The following TLE1 variants were observed in gnomAD, a reference collection of about 807,000 sequenced individuals.
The protein encoded by TLE1 is TLE family member 1, transcriptional corepressor.
A neutral mutation model predicts 89.8 loss-of-function variants in TLE1; 21 were observed. The observed-to-expected ratio is 0.23, with a 90% confidence interval of 0.17 to 0.34. The LOEUF (loss-of-function observed/expected upper bound fraction) is 0.34. TLE1 is among the 10% of genes least tolerant of loss of function. The pLI is 1.00. For missense variants in TLE1, 795 were observed against 1,031.2 expected, an observed-to-expected ratio of 0.77 and a Z score of 3.14; for synonymous variants, 447 against 407.6, an observed-to-expected ratio of 1.10 and a Z score of -1.16.
intron 4 of TLE1, among the ~76,000 whole-genome samples, chr9:81,665,713 T>C (rs947324589): frequency 6.6e-6 from 1 of 152,156 alleles, no homozygotes; most frequent in Admixed American, 6.5e-5. Flanking sequence ...GGCTCTTGAA[T>C]GCATTCATTT....
At chr9:81,587,573 G>A in intron 17 of TLE1, 108 bp downstream of exon 17, 1 of 1,389,452 alleles carries the variant, frequency 7.2e-7, no homozygotes, top group South Asian at 1.5e-5. Context: ...GCCCTGATCT[G>A]TTTGTCCAGC....
In TLE1 at chr9:81,590,852, G is replaced by A. The variant is rs773935551; in HGVS notation, c.1782C>T (p.Ser594=). Residue 594 remains serine, a synonymous_variant, in exon 16 of 20, where the codon AGC becomes AGT. Coordinates refer to ENST00000376499, the MANE Select transcript of TLE1 (RefSeq NM_005077.5). ...GATCCCACACAGCGATGTTGCCGTCGCTGCAGCATGAGAAGCAGACCTTGG... is the reference window on the plus strand; with the variant it reads ...GATCCCACACAGCGATGTTGCCGTCACTGCAGCATGAGAAGCAGACCTTGG... ...PDSKVCFSCC[S]DGNIAVWDLH... 7 of 1,614,058 alleles carry A rather than the reference G, an allele frequency of 4.3e-6. No homozygotes were observed. The highest frequency in any genetic ancestry group is 2.7e-5 in the African/African-American group (2 of 74,936).
chr9:81,584,096 T>C lies in TLE1; in HGVS notation c.*102A>G. 9.6e-7 allele frequency: 1 copy of C among 1,041,218 alleles called. No homozygotes were observed. Among genetic ancestry groups the C allele is most frequent in the Non-Finnish European group, 1.4e-6 (1 of 690,852 alleles). 64.5% of individuals were successfully genotyped at this position (1,041,218 alleles called of 1,614,324 possible). The stretch of plus-strand genomic sequence containing the variant: ...TTCTGTCAAGGTTTGGAAACAGGTG[T>C]TTGTAATTTTTTTTCTCTTTTAAAG... On this transcript the variant is annotated 3_prime_UTR_variant, in exon 20 of 20. Coordinates refer to ENST00000376499, the MANE Select transcript of TLE1 (RefSeq NM_005077.5).
At chr9:81,633,211 G>C (rs1454317558) in intron 8 of TLE1, 137 bp downstream of exon 8, 2 of 1,407,848 alleles carry the variant, frequency 1.4e-6, no homozygotes, top group South Asian at 1.7e-5. Context: ...AAAGAAAAAA[G>C]CCAGGTCACT....
At chr9:81,655,145 T>C (rs1413977568) in intron 4 of TLE1, among the ~76,000 whole-genome samples, 1 of 151,904 alleles carries the variant, frequency 6.6e-6, no homozygotes, top group Non-Finnish European at 1.5e-5. Flanking sequence ...GCATGTGGAT[T>C]ATGAGGTCAG....
Position 81,650,347 on chromosome 9 carries a change from T to C in TLE1, c.372+1867A>G, listed in dbSNP as rs78853872. On this transcript the variant is annotated intron_variant, in intron 6 of 19. Coordinates refer to ENST00000376499, the MANE Select transcript of TLE1 (RefSeq NM_005077.5). ...TTTAAACGTCAGAGTTTTGCCATCATGAAATTATATGTCGTAATGTAGAGT... is the reference window on the plus strand; with the variant it reads ...TTTAAACGTCAGAGTTTTGCCATCACGAAATTATATGTCGTAATGTAGAGT... 2.5e-3 allele frequency among the ~76,000 whole-genome samples: 385 copies of C among 152,310 alleles called. 3 individuals carry two copies. Among genetic ancestry groups the C allele is most frequent in the African/African-American group, 8.7e-3 (363 of 41,568 alleles).
intron 6 of TLE1, among the ~76,000 whole-genome samples, chr9:81,642,718 G>GGAAAGAAAGGAAAGAAA (rs1175417245): frequency 6.6e-6 from 1 of 151,078 alleles, no homozygotes; most frequent in East Asian, 1.9e-4. Flanking sequence ...AAGAAAGAAA[G>GGAAAGAAAGGAAAGAAA]GAAAGAAAGA....
In TLE1 at chr9:81,673,936, T is replaced by C. The variant is rs140693935; in HGVS notation, c.234+11740A>G. Among the ~76,000 whole-genome samples the C allele has an allele frequency of 3.5e-3, 535 of 152,278 alleles. 5 individuals are homozygous for C. The highest frequency in any genetic ancestry group is 0.013 in the African/African-American group (521 of 41,560). On this transcript the variant is annotated intron_variant, in intron 4 of 19. Coordinates refer to ENST00000376499, the MANE Select transcript of TLE1 (RefSeq NM_005077.5). ...TGCCCTTTCTCCATCTGGTGGTCCA[T>C]CCTTTATTCTCTCCATACCAGACCA...
At chr9:81,608,830 G>A (rs910624034) in intron 14 of TLE1, among the ~76,000 whole-genome samples, 22 of 151,894 alleles carry the variant, frequency 1.4e-4, no homozygotes, top group South Asian at 4.2e-4. Context: ...CCAGCTACTC[G>A]AGAGGCTGAG....
chr9:81,679,492 C>A (rs2133086981), intron 4 of TLE1, among the ~76,000 whole-genome samples: 1 of 151,702 alleles, frequency 6.6e-6, no homozygotes, highest in South Asian at 2.1e-4. Flanking sequence ...CAGATCAAAC[C>A]ACACCTCACG....
intron 4 of TLE1, among the ~76,000 whole-genome samples, chr9:81,665,583 C>A (rs553034672): frequency 4.6e-5 from 7 of 152,196 alleles, no homozygotes; most frequent in Non-Finnish European, 8.8e-5. Context: ...CTCCCATTCT[C>A]TAGCTCCTCG....
Position 81,653,979 on chromosome 9 carries a change from G to C in TLE1, c.292C>G (p.Gln98Glu), listed in dbSNP as rs1217853739. The C allele has an allele frequency of 1.2e-6, 2 of 1,613,788 alleles. No homozygotes were observed. Residue 98 changes from glutamine (Q) to glutamate (E), a missense_variant, in exon 5 of 20, where the codon CAG (glutamine) becomes GAG (glutamate). Gln to Glu is a conservative substitution (Grantham distance 29). Around this residue, in one of 4 missense-constraint regions of TLE1, gnomAD observed 66 missense variants for 118.7 expected, o/e 0.56. Transcript: ENST00000376499. The stretch of plus-strand genomic sequence containing the variant: ...AGCTGAACAATTTTACTTACTTCCT[G>C]AGACAGAAATGGGATGACTTGTGCA... ...ICAQVIPFLS[Q>E]EHQQQVAQAV... is the part of the protein sequence containing the mutation.
Position 81,641,770 on chromosome 9 carries a change from C to T in TLE1, c.373-7469G>A, listed in dbSNP as rs1029313436. ...GGGCGCAGTGGCTCACGCCTGTAAT[C>T]CCAGCACTTTGGGAGGCCGAGGTGG... On this transcript the variant is annotated intron_variant, in intron 6 of 19. Coordinates refer to ENST00000376499, the MANE Select transcript of TLE1 (RefSeq NM_005077.5). Among the ~76,000 whole-genome samples, 11 of 152,204 alleles carry T rather than the reference C, an allele frequency of 7.2e-5. 1 individual carries two copies. Among genetic ancestry groups the T allele is most frequent in the Admixed American group, 3.3e-4 (5 of 15,290 alleles).
chr9:81,603,143 A>C (rs564759837), intron 14 of TLE1, among the ~76,000 whole-genome samples: 1 of 152,186 alleles, frequency 6.6e-6, no homozygotes, highest in East Asian at 1.9e-4. Flanking sequence ...CCCTTCCCCT[A>C]TTGGGTTAGT....
chr9:81,603,303 T>C (rs1015460244), intron 14 of TLE1, among the ~76,000 whole-genome samples: 4 of 152,188 alleles, frequency 2.6e-5, no homozygotes, highest in Non-Finnish European at 5.9e-5. Context: ...CCTTGGATTT[T>C]GTGATTATTT....
chr9:81,591,128 T>C (rs1829429088), intron 15 of TLE1, 76 bp from the exon 16 acceptor site: 1 of 1,551,616 alleles, frequency 6.4e-7, no homozygotes, highest in Admixed American at 1.8e-5. Flanking sequence ...ATGGCTGTCT[T>C]GGTTTTTTGA....
chr9:81,645,489 C>A (rs1185945838), intron 6 of TLE1, among the ~76,000 whole-genome samples: 1 of 151,928 alleles, frequency 6.6e-6, no homozygotes, highest in Non-Finnish European at 1.5e-5. Context: ...ACTTATAATC[C>A]CAGCACTTTG....
chr9:81,591,747 T>C (rs1303956417), intron 15 of TLE1, among the ~76,000 whole-genome samples: 1 of 152,226 alleles, frequency 6.6e-6, no homozygotes, highest in Non-Finnish European at 1.5e-5. Context: ...AGGATACTCC[T>C]ACTGCTATAG....
At chr9:81,632,103 ACTAT>A (rs374197216) in intron 8 of TLE1, among the ~76,000 whole-genome samples, 20 of 148,138 alleles carry the variant, frequency 1.4e-4, no homozygotes, top group South Asian at 6.6e-4. Flanking sequence ...AAAAAAAAAG[ACTAT>A]CTATAGGAAC....
Sources: allele counts gnomAD v4.1 joint callset (sites outside exome capture counted in the v4.1 genomes callset), GRCh38; gene constraint gnomAD v4.1.1; regional missense constraint gnomAD v4.1.1; transcripts MANE v1.5; gene names NCBI Gene and HGNC (gene_info 2026-07-23, HGNC 2026-07-21).